ADGB: variants seen among roughly 807,000 people sequenced by gnomAD.
ADGB encodes the protein androglobin, also known as calpain-7-like protein.
ADGB carries 172 observed loss-of-function variants against 210.5 expected under a neutral mutation model. The ratio of observed to expected loss-of-function variants is 0.82; its 90% CI spans 0.72 to 0.93. The LOEUF is 0.93. Ranked by LOEUF, ADGB falls within the 40% of genes least tolerant of loss-of-function variation. The pLI, the probability that ADGB is intolerant of heterozygous loss-of-function variation, is 0.00. For synonymous variants in ADGB, 658 were observed against 662.7 expected (o/e 0.99, Z 0.11); for missense variants, 2,025 against 1,964.8 (o/e 1.03, Z -0.58).
At chr6:146,726,704 T>C (rs1776900598) in intron 19 of ADGB, among the ~76,000 whole-genome samples, 1 of 152,206 alleles carries the variant, frequency 6.6e-6, no homozygotes, top group Non-Finnish European at 1.5e-5. Flanking sequence ...GTGAAATATG[T>C]ATACTTTTCT....
At chr6:146,781,993 C>T in intron 29 of ADGB, 27 bp from the exon 30 acceptor site, 3 of 1,421,896 alleles carry the variant, frequency 2.1e-6, no homozygotes, top group Non-Finnish European at 2.8e-6. Context: ...TTATGACTCA[C>T]CATTTTTTAT....
chr6:146,614,850 G>C (rs1780767404), intron 1 of ADGB, among the ~76,000 whole-genome samples: 1 of 152,170 alleles, frequency 6.6e-6, no homozygotes, highest in Non-Finnish European at 1.5e-5. Flanking sequence ...ATGTGACAGA[G>C]AGCCAGCATG....
Position 146,672,324 on chromosome 6 carries a change from C to A in ADGB, c.944C>A (p.Ser315Tyr), listed in dbSNP as rs1409385770. ...SSESKIAVLD[S>Y]KLKEPGKEGK... is the part of the protein sequence containing the mutation. ...GAAAGCAAAATAGCAGTGTTAGATT[C>A]TAAATTAAAAGAACCAGGGAAAGAA... Residue 315 changes from serine to tyrosine, a missense_variant, in exon 8 of 36, where the codon TCT becomes TAT. Transcript: ENST00000397944. The A allele has an allele frequency of 3.4e-5, 52 of 1,550,422 alleles. No homozygotes were observed. Among genetic ancestry groups the A allele is most frequent in the Non-Finnish European group, 4.4e-5 (50 of 1,146,630 alleles).
intron 4 of ADGB, among the ~76,000 whole-genome samples, chr6:146,655,990 C>A (rs143178895): frequency 6.6e-6 from 1 of 152,016 alleles, no homozygotes; most frequent in Admixed American, 6.6e-5. Context: ...CATTGAACAC[C>A]CACTGTGACC....
At chr6:146,689,793 C>T (rs753290918) in intron 10 of ADGB, among the ~76,000 whole-genome samples, 2 of 151,992 alleles carry the variant, frequency 1.3e-5, no homozygotes, top group Non-Finnish European at 2.9e-5. Flanking sequence ...CAGGTGGTGG[C>T]TTGACTCATG....
At chr6:146,767,077 C>T (rs1165656383) in intron 28 of ADGB, among the ~76,000 whole-genome samples, 1 of 152,086 alleles carries the variant, frequency 6.6e-6, no homozygotes, top group Non-Finnish European at 1.5e-5. Context: ...ATGTTACATG[C>T]CAAAAATTTT....
intron 16 of ADGB, among the ~76,000 whole-genome samples, chr6:146,719,012 A>T (rs1776776854): frequency 6.6e-6 from 1 of 152,224 alleles, no homozygotes; most frequent in Admixed American, 6.5e-5. Flanking sequence ...CAGTTTATTT[A>T]AGCATATTTC....
Position 146,713,898 on chromosome 6 carries a change from T to C in ADGB, c.1708-1484T>C, listed in dbSNP as rs144034876. 4.6e-4 allele frequency among the ~76,000 whole-genome samples: 70 copies of C among 152,278 alleles called. No homozygotes were observed. In the East Asian group the frequency reaches 0.013, roughly 28 times the overall value. On this transcript the variant is annotated intron_variant, in intron 13 of 35. Transcript: ENST00000397944. ...GTAGTTTGTCTCTGTCTGTATCCGC[T>C]TCAGTGCCTAAAGCTTGTATTGTTT...
At chr6:146,621,135 G>A (rs975869312) in intron 1 of ADGB, among the ~76,000 whole-genome samples, 4 of 152,108 alleles carry the variant, frequency 2.6e-5, no homozygotes, top group African/African-American at 9.7e-5. Context: ...TTGCATCCCT[G>A]CCATTGTTTT....
chr6:146,656,431 C>G (rs1775781788), intron 4 of ADGB, among the ~76,000 whole-genome samples: 2 of 152,182 alleles, frequency 1.3e-5, no homozygotes. Flanking sequence ...TCACAATTTT[C>G]AGAAGCTTTC....
intron 3 of ADGB, among the ~76,000 whole-genome samples, chr6:146,649,567 G>A (rs967254112): frequency 6.6e-6 from 1 of 150,554 alleles, no homozygotes; most frequent in African/African-American, 2.4e-5. Context: ...CACATCTCAT[G>A]GCAGCCTCAA....
chr6:146,814,754 ATTTAAACAGAATACC>A (rs758342643), intron 35 of ADGB, among the ~76,000 whole-genome samples: 3 of 152,178 alleles, frequency 2.0e-5, no homozygotes, highest in Non-Finnish European at 2.9e-5. Flanking sequence ...ATTTGAAATC[ATTTAAACAGAATACC>A]TTTGGGGAAA....
intron 12 of ADGB, among the ~76,000 whole-genome samples, chr6:146,699,799 C>G (rs868015596): frequency 6.6e-6 from 1 of 152,238 alleles, no homozygotes. Flanking sequence ...AATTTTCTTA[C>G]AATTTGAATA....
In ADGB at chr6:146,764,036, C is replaced by A. The variant is rs367597641; in HGVS notation, c.3686C>A (p.Pro1229His). 92 of 1,551,348 alleles carry A rather than the reference C, an allele frequency of 5.9e-5. No homozygotes were observed. In the African/African-American group the frequency reaches 1.2e-3, roughly 20 times the overall value. Residue 1229 changes from proline (P) to histidine (H), a missense_variant, in exon 28 of 36, where the codon CCC becomes CAC. By Grantham distance (77) the Pro-to-His change is moderately conservative. Transcript: ENST00000397944. The stretch of plus-strand genomic sequence containing the variant: ...AGTGCAATACAAGACATTGGTCTAC[C>A]CCTTGTGGAGGAGGAAACTACCAGT... The part of the protein sequence containing the change: ...AVSAIQDIGL[P>H]LVEEETTSTP...
chr6:146,665,014 G>A (rs900267989), intron 6 of ADGB, among the ~76,000 whole-genome samples: 1 of 152,024 alleles, frequency 6.6e-6, no homozygotes, highest in African/African-American at 2.4e-5. Context: ...TTTGATGATC[G>A]TGTTGGAAAT....
intron 24 of ADGB, among the ~76,000 whole-genome samples, chr6:146,740,895 T>G (rs1369242928): frequency 6.6e-6 from 1 of 152,140 alleles, no homozygotes; most frequent in African/African-American, 2.4e-5. Context: ...AATAGCATAT[T>G]TGGTAAAAGT....
rs145099795 is a variant in ADGB, at chr6:146,681,688, T to TA, written c.1217-4045dup. ...AATAGATTAGAAGCCCACTAATATA[T>TA]ATTATTTTAAAACTTGTATTAAGAA... On this transcript the variant is annotated intron_variant, in intron 9 of 35. Transcript: ENST00000397944. Among the ~76,000 whole-genome samples, 1,179 of 152,258 alleles carry TA rather than the reference T, an allele frequency of 7.7e-3. 9 individuals carry two copies. The highest frequency in any genetic ancestry group is 0.013 in the Non-Finnish European group (859 of 68,018).
chr6:146,802,181 T>A (rs1018037285), intron 35 of ADGB, among the ~76,000 whole-genome samples, 170 bp downstream of exon 35: 10 of 152,146 alleles, frequency 6.6e-5, no homozygotes, highest in Non-Finnish European at 1.3e-4. Context: ...ACACATCTCA[T>A]CTCACTCCCT....
At chr6:146,602,882 TC>T (rs1780580221) in intron 1 of ADGB, among the ~76,000 whole-genome samples, 1 of 152,130 alleles carries the variant, frequency 6.6e-6, no homozygotes, top group Non-Finnish European at 1.5e-5. Flanking sequence ...ATCTAATGCA[TC>T]CCCCTCTCCA....
Sources: allele counts gnomAD v4.1 joint callset (sites outside exome capture counted in the v4.1 genomes callset), GRCh38; gene constraint gnomAD v4.1.1; transcripts MANE v1.5; gene names NCBI Gene and HGNC (gene_info 2026-07-23, HGNC 2026-07-21).